ABCA9: variants seen among roughly 807,000 people sequenced by gnomAD.
ABCA9 encodes the protein ATP binding cassette subfamily A member 9.
A neutral mutation model predicts 205.3 loss-of-function variants in ABCA9; 183 were observed. That is an observed-to-expected ratio of 0.89 (90% CI 0.79 to 1.01). The LOEUF (loss-of-function observed/expected upper bound fraction) is 1.01. Ranked by LOEUF, ABCA9 falls within the 50% of genes least tolerant of loss-of-function variation. The pLI, the probability that ABCA9 is intolerant of heterozygous loss-of-function variation, is 0.00. For synonymous variants in ABCA9, 651 were observed against 683.3 expected, an observed-to-expected ratio of 0.95 and a Z score of 0.74; for missense variants, 1,805 against 1,912.4, an observed-to-expected ratio of 0.94 and a Z score of 1.05.
intron 6 of ABCA9, chr17:69,042,321 T>A (rs920346990): frequency 6.6e-6 from 1 of 152,216 alleles, no homozygotes; most frequent in Non-Finnish European, 1.5e-5. Flanking sequence ...GTGCATATTA[T>A]TATCTACGTT....
chr17:69,027,648 C>G lies in ABCA9; in HGVS notation c.1783G>C (p.Glu595Gln). 1.9e-6 allele frequency: 3 copies of G among 1,613,104 alleles called. No homozygotes were observed. Among genetic ancestry groups the G allele is most frequent in the Non-Finnish European group, 2.5e-6 (3 of 1,179,844 alleles). ...KIKGILPHEVEKEVQRVVQEL... is the reference protein window; with the variant it reads ...KIKGILPHEVQKEVQRVVQEL... ...CTAATATGCTCACATACCTCTTTCT[C>G]CACTTCATGTGGCAAAATCCCTTTT... Residue 595 changes from glutamate to glutamine, a missense_variant, in exon 13 of 39, where the codon GAG (glutamate) becomes CAG (glutamine). Physicochemically the swap from Glu to Gln is conservative, Grantham distance 29. Coordinates refer to ENST00000340001, the MANE Select transcript of ABCA9 (RefSeq NM_080283.4).
At chr17:69,006,327 TACAAGA>T (rs1315422806) in intron 25 of ABCA9, among the ~76,000 whole-genome samples, 1 of 152,156 alleles carries the variant, frequency 6.6e-6, no homozygotes, top group Non-Finnish European at 1.5e-5. Flanking sequence ...ACAAAAGACA[TACAAGA>T]ACAAGAAAGT....
intron 10 of ABCA9, among the ~76,000 whole-genome samples, chr17:69,029,429 C>G (rs1162549199): frequency 1.3e-5 from 2 of 152,124 alleles, no homozygotes. Context: ...AGCAGAATCC[C>G]TGATCTTTCC....
intron 8 of ABCA9, among the ~76,000 whole-genome samples, chr17:69,034,461 C>A (rs1377729266): frequency 6.6e-6 from 1 of 152,060 alleles, no homozygotes; most frequent in African/African-American, 2.4e-5. Context: ...CACAGGAGAT[C>A]CACCCATCTT....
At chr17:68,978,751 TTC>T (rs2143921378) in intron 37 of ABCA9, among the ~76,000 whole-genome samples, 1 of 152,236 alleles carries the variant, frequency 6.6e-6, no homozygotes, top group Admixed American at 6.5e-5. Context: ...GAATATGAAA[TTC>T]TCTCAATAAA....
At chr17:68,992,971 T>C in intron 27 of ABCA9, 45 bp downstream of exon 27, 1 of 1,461,290 alleles carries the variant, frequency 6.8e-7, no homozygotes, top group East Asian at 2.3e-5. Context: ...CATACAAAAG[T>C]TGTGTTCCCT....
intron 2 of ABCA9, among the ~76,000 whole-genome samples, chr17:69,050,323 A>AAC (rs149951202): frequency 0.021 from 2,570 of 123,876 alleles, 64 homozygotes; most frequent in African/African-American, 0.067. Flanking sequence ...TTGTTGCATG[A>AAC]ACACACACAC....
At chr17:69,063,032 C>T (rs1408737475), upstream of ABCA9, among the ~76,000 whole-genome samples, 1 of 152,082 alleles carries the variant, frequency 6.6e-6, no homozygotes, top group African/African-American at 2.4e-5. Context: ...ACCCATTTTA[C>T]GGACCAGAAA....
chr17:68,980,846 A>G (rs2069029413), intron 37 of ABCA9, among the ~76,000 whole-genome samples: 1 of 151,876 alleles, frequency 6.6e-6, no homozygotes, highest in Non-Finnish European at 1.5e-5. Flanking sequence ...GCACACCAAC[A>G]TGGCACATAT....
At chr17:69,057,317 A>G (rs1005207412) in intron 1 of ABCA9, among the ~76,000 whole-genome samples, 6 of 152,174 alleles carry the variant, frequency 3.9e-5, no homozygotes, top group South Asian at 2.1e-4. Flanking sequence ...GTAGGCACCA[A>G]TGTTGCTCTG....
intron 5 of ABCA9, 47 bp downstream of exon 5, chr17:69,044,450 C>A (rs2071644336): frequency 2.0e-6 from 3 of 1,531,724 alleles, no homozygotes; most frequent in South Asian, 1.1e-5. Context: ...CACCATCCAG[C>A]AAAATTCAAA....
At chr17:69,039,081 A>T (rs926676878) in intron 6 of ABCA9, among the ~76,000 whole-genome samples, 8 of 152,226 alleles carry the variant, frequency 5.3e-5, no homozygotes. Context: ...AACAAATGGA[A>T]AAACATTCCA....
At chr17:68,989,953 A>G (rs758971321) in intron 29 of ABCA9, 23 bp from the exon 30 acceptor site, 5 of 1,518,534 alleles carry the variant, frequency 3.3e-6, no homozygotes, top group Non-Finnish European at 4.5e-6. Flanking sequence ...GTAAATAACA[A>G]CGGGACTTTA....
intron 21 of ABCA9, 124 bp from the exon 22 acceptor site, chr17:69,016,514 T>C (rs957166409): frequency 1.3e-6 from 1 of 791,552 alleles, no homozygotes. Context: ...TGAATGTGAT[T>C]AATATCACTA....
At chr17:69,008,406 T>C (rs1031339094) in intron 23 of ABCA9, among the ~76,000 whole-genome samples, 171 bp from the exon 24 acceptor site, 4 of 152,228 alleles carry the variant, frequency 2.6e-5, no homozygotes, top group African/African-American at 9.6e-5. Flanking sequence ...GCATTGATAA[T>C]GCTGCAAGCC....
intron 12 of ABCA9, 23 bp downstream of exon 12, chr17:69,028,512 T>A: frequency 2.0e-6 from 3 of 1,493,842 alleles, no homozygotes; most frequent in Non-Finnish European, 2.8e-6. Context: ...CAGGTACTTG[T>A]CCTTGGATAA....
At chr17:68,987,277 T>C (rs1018102254) in intron 31 of ABCA9, among the ~76,000 whole-genome samples, 20 of 152,220 alleles carry the variant, frequency 1.3e-4, no homozygotes. Context: ...TTGACCTTGA[T>C]GCTATATTGT....
rs200396915 is a variant in ABCA9, at chr17:69,018,502, G to T, written c.2678C>A (p.Pro893Gln). Residue 893 changes from proline to glutamine, a missense_variant, in exon 20 of 39, where the codon CCG (proline) becomes CAG (glutamine). By Grantham distance (76) the Pro-to-Gln change is moderately conservative (BLOSUM62 -1). Coordinates refer to ENST00000340001, the MANE Select transcript of ABCA9 (RefSeq NM_080283.4). ...LFYESYQKSY[P>Q]WELSPNTYFL... Reference sequence around the variant, plus strand: ...GTATGTATTTGGAGACAGTTCCCACGGGTAACTTTTCTGATATGACTCGTA... The same window carrying T: ...GTATGTATTTGGAGACAGTTCCCACTGGTAACTTTTCTGATATGACTCGTA... 2.5e-6 allele frequency: 4 copies of T among 1,607,590 alleles called. No individual in the cohort carries two copies. The highest frequency in any genetic ancestry group is 3.4e-5 in the Admixed American group (2 of 58,552).
chr17:69,047,040 C>A (rs1248698747), intron 3 of ABCA9, among the ~76,000 whole-genome samples: 1 of 150,896 alleles, frequency 6.6e-6, no homozygotes, highest in East Asian at 2.0e-4. Context: ...CGGCTCACTG[C>A]AACCTTCACC....
Sources: allele counts gnomAD v4.1 joint callset (sites outside exome capture counted in the v4.1 genomes callset), GRCh38; gene constraint gnomAD v4.1.1; transcripts MANE v1.5; gene names NCBI Gene and HGNC (gene_info 2026-07-23, HGNC 2026-07-21).